Variants in KCTD16 observed in about 807,000 individuals in gnomAD.
KCTD16 encodes potassium channel tetramerization domain containing 16.
In KCTD16, 13 loss-of-function variants were observed where a neutral mutation model predicts 33.2. That is an observed-to-expected ratio of 0.39 (90% CI 0.25 to 0.62). KCTD16 has a LOEUF of 0.62. Among genes scored for constraint, KCTD16 ranks in the 20% least tolerant of loss-of-function variants. KCTD16 has a pLI of 0.50. For missense variants in KCTD16, 441 were observed against 525.1 expected (o/e 0.84, Z 1.57); for synonymous variants, 197 against 195.3 (o/e 1.01, Z -0.07).
chr5:144,384,932 G>T (rs1313538282), intron 3 of KCTD16, among the ~76,000 whole-genome samples: 1 of 152,156 alleles, frequency 6.6e-6, no homozygotes, highest in Non-Finnish European at 1.5e-5. Flanking sequence ...ATGTAATGAA[G>T]TGCATACATT....
In KCTD16 at chr5:144,416,644, A is replaced by C. The variant is rs532542522; in HGVS notation, c.833-57016A>C. ...AGTGAGATTTGCATAACATAAAATT[A>C]ATCATTTTATAGCAAACAATTCAGT... On this transcript the variant is annotated intron_variant, in intron 3 of 3. Coordinates refer to ENST00000512467, the MANE Select transcript of KCTD16 (RefSeq NM_020768.4). Among the ~76,000 whole-genome samples, 4 of 152,326 alleles carry C rather than the reference A, an allele frequency of 2.6e-5. No individual in the cohort carries two copies. In the East Asian group the frequency reaches 7.7e-4, roughly 29 times the overall value.
chr5:144,306,161 C>G (rs1451529933), intron 3 of KCTD16, among the ~76,000 whole-genome samples: 1 of 152,228 alleles, frequency 6.6e-6, no homozygotes, highest in Admixed American at 6.5e-5. Flanking sequence ...TCCTCCCATG[C>G]TCAGAGTTTA....
chr5:144,388,080 T>G (rs1045417723), intron 3 of KCTD16, among the ~76,000 whole-genome samples: 2 of 129,368 alleles, frequency 1.5e-5, no homozygotes, highest in African/African-American at 3.1e-5. Context: ...TTTTTTTTTT[T>G]TTTTTTTTTT....
chr5:144,344,448 C>A (rs1483210013), intron 3 of KCTD16, among the ~76,000 whole-genome samples: 2 of 149,310 alleles, frequency 1.3e-5, no homozygotes, highest in Non-Finnish European at 3.0e-5. Context: ...TTTTCGCAAC[C>A]TACTCATCTG....
chr5:144,469,510 A>G (rs1283844409), intron 3 of KCTD16, among the ~76,000 whole-genome samples: 1 of 152,250 alleles, frequency 6.6e-6, no homozygotes, highest in Non-Finnish European at 1.5e-5. Flanking sequence ...TAGCGTCAGC[A>G]TTGTAGTAAA....
At chr5:144,263,972 G>T (rs890118917) in intron 3 of KCTD16, among the ~76,000 whole-genome samples, 1 of 152,124 alleles carries the variant, frequency 6.6e-6, no homozygotes. Flanking sequence ...TCAGCGTGGG[G>T]TTCCACCCTC....
At chr5:144,199,915 A>G (rs192170623) in intron 2 of KCTD16, among the ~76,000 whole-genome samples, 13 of 151,944 alleles carry the variant, frequency 8.6e-5, no homozygotes, top group South Asian at 2.1e-4. Context: ...GGGTTTCACC[A>G]TGTTAGCCAG....
At chr5:144,418,889 A>G (rs1393663697) in intron 3 of KCTD16, among the ~76,000 whole-genome samples, 1 of 152,140 alleles carries the variant, frequency 6.6e-6, no homozygotes, top group Admixed American at 6.6e-5. Flanking sequence ...AGGTCAAGTT[A>G]TACACCCTAA....
chr5:144,285,202 A>C (rs1755711021), intron 3 of KCTD16, among the ~76,000 whole-genome samples: 1 of 152,252 alleles, frequency 6.6e-6, no homozygotes, highest in Admixed American at 6.5e-5. Flanking sequence ...TGCAAATGCC[A>C]GGGTGGCTGT....
rs905428281 is a variant in KCTD16, at chr5:144,480,406, A to T, written c.*6292A>T. The T allele has an allele frequency of 6.6e-6, 1 of 152,034 alleles. No homozygotes were observed. Among genetic ancestry groups the T allele is most frequent in the Non-Finnish European group, 1.5e-5 (1 of 67,954 alleles). The allele number at this position is 152,034 out of a possible 1,614,324, so 9.4% of individuals were successfully genotyped here. On this transcript the variant is annotated 3_prime_UTR_variant, in exon 4 of 4. Coordinates refer to ENST00000512467, the MANE Select transcript of KCTD16 (RefSeq NM_020768.4). ...CTGGGGAAAAATCAAACTCATATCC[A>T]TGTATATAGTGAAGAGTAGCATCTT... is the stretch of plus-strand genomic sequence containing the variant.
chr5:144,414,300 G>A (rs1049084025), intron 3 of KCTD16, among the ~76,000 whole-genome samples: 11 of 152,128 alleles, frequency 7.2e-5, no homozygotes, highest in African/African-American at 2.2e-4. Context: ...AGTATAAAAA[G>A]TGCTACATAC....
intron 3 of KCTD16, among the ~76,000 whole-genome samples, chr5:144,383,383 G>A (rs900448246): frequency 6.6e-6 from 1 of 151,868 alleles, no homozygotes; most frequent in Non-Finnish European, 1.5e-5. Flanking sequence ...TTTTTGATTT[G>A]AAATATTCAG....
At chr5:144,215,356 A>ATT (rs1753531376) in intron 3 of KCTD16, among the ~76,000 whole-genome samples, 1 of 152,198 alleles carries the variant, frequency 6.6e-6, no homozygotes, top group African/African-American at 2.4e-5. Context: ...ATAGAAAAAG[A>ATT]GCTCTACTAG....
intron 3 of KCTD16, among the ~76,000 whole-genome samples, chr5:144,365,769 AGG>A (rs1302047467): frequency 1.1e-5 from 1 of 93,404 alleles, no homozygotes; most frequent in African/African-American, 3.2e-5. Context: ...GAGCAGGTGA[AGG>A]TATATTAGAG....
intron 3 of KCTD16, among the ~76,000 whole-genome samples, chr5:144,373,168 A>G (rs29899): frequency 0.34 from 51,889 of 151,952 alleles, 9,720 homozygotes; most frequent in African/African-American, 0.5. Flanking sequence ...ACAGACAGGA[A>G]GCAGGACTGG....
At chr5:144,364,225 G>A (rs1751781968) in intron 3 of KCTD16, among the ~76,000 whole-genome samples, 1 of 152,126 alleles carries the variant, frequency 6.6e-6, no homozygotes, top group African/African-American at 2.4e-5. Context: ...GTACGGCTCT[G>A]GTGGCACGGT....
At chr5:144,299,120 A>AC (rs1756155319) in intron 3 of KCTD16, among the ~76,000 whole-genome samples, 4 of 20,972 alleles carry the variant, frequency 1.9e-4, no homozygotes, top group Non-Finnish European at 3.3e-4. Context: ...ATATATATAT[A>AC]TATATATATA....
intron 3 of KCTD16, among the ~76,000 whole-genome samples, chr5:144,471,574 A>AT (rs1188630816): frequency 7.2e-5 from 11 of 152,172 alleles, no homozygotes; most frequent in African/African-American, 2.7e-4. Flanking sequence ...TCATTTTGGT[A>AT]TAGGGGTTGC....
intron 3 of KCTD16, among the ~76,000 whole-genome samples, chr5:144,457,046 T>G (rs1195900575): frequency 3.9e-5 from 6 of 152,204 alleles, no homozygotes; most frequent in African/African-American, 1.4e-4. Flanking sequence ...AAACTATATT[T>G]GAATAAAATA....
Sources: allele counts gnomAD v4.1 joint callset (sites outside exome capture counted in the v4.1 genomes callset), GRCh38; gene constraint gnomAD v4.1.1; transcripts MANE v1.5; gene names NCBI Gene and HGNC (gene_info 2026-07-23, HGNC 2026-07-21).